KANSL1L: variants seen among roughly 807,000 people sequenced by gnomAD.
KANSL1L encodes KAT8 regulatory NSL complex subunit 1-like protein.
A neutral mutation model predicts 108.6 loss-of-function variants in KANSL1L; 25 were observed. That is an observed-to-expected ratio of 0.23 (90% CI 0.17 to 0.32). The LOEUF (loss-of-function observed/expected upper bound fraction) is 0.32, where lower values mean the gene tolerates loss of function less well. KANSL1L is among the 10% of genes least tolerant of loss of function. The pLI is 1.00. For synonymous variants in KANSL1L, 405 were observed against 395.1 expected (o/e 1.03, Z -0.30); for missense variants, 1,137 against 1,125.7 (o/e 1.01, Z -0.14).
At chr2:210,056,499 G>C (rs1185247328) in intron 6 of KANSL1L, among the ~76,000 whole-genome samples, 1 of 151,830 alleles carries the variant, frequency 6.6e-6, no homozygotes. Context: ...ATCTTTTTTT[G>C]AGACAGAGTC....
chr2:210,071,708 A>G (rs1157366999), intron 6 of KANSL1L, among the ~76,000 whole-genome samples: 2 of 152,196 alleles, frequency 1.3e-5, no homozygotes, highest in East Asian at 1.9e-4. Flanking sequence ...TAGAACGTCA[A>G]TATAAGAGTT....
chr2:210,062,624 TG>T (rs2094431589), intron 6 of KANSL1L, among the ~76,000 whole-genome samples: 1 of 152,194 alleles, frequency 6.6e-6, no homozygotes, highest in African/African-American at 2.4e-5. Context: ...ATAAGGAACT[TG>T]TTGGGAACTG....
At chr2:210,116,836 C>T (rs374628331) in intron 3 of KANSL1L, among the ~76,000 whole-genome samples, 82 of 152,224 alleles carry the variant, frequency 5.4e-4, no homozygotes, top group African/African-American at 1.3e-3. Context: ...CAGACACAGA[C>T]GAACATCTAT....
At chr2:210,057,995 AAG>A (rs1211363758) in intron 6 of KANSL1L, among the ~76,000 whole-genome samples, 9 of 152,222 alleles carry the variant, frequency 5.9e-5, no homozygotes, top group African/African-American at 2.2e-4. Context: ...ACCTTGAAAA[AAG>A]AACAGGATGA....
At chr2:210,141,937 T>C (rs1043064818) in intron 2 of KANSL1L, among the ~76,000 whole-genome samples, 4 of 152,150 alleles carry the variant, frequency 2.6e-5, no homozygotes, top group African/African-American at 9.7e-5. Flanking sequence ...AATGTGTAGT[T>C]AATTCAGTTT....
At chr2:210,061,664 A>G (rs1442211160) in intron 6 of KANSL1L, among the ~76,000 whole-genome samples, 1 of 152,226 alleles carries the variant, frequency 6.6e-6, no homozygotes, top group Non-Finnish European at 1.5e-5. Flanking sequence ...AGCACAAAGA[A>G]GCATAGATTC....
At chr2:210,026,414 A>G (rs1294830798) in intron 12 of KANSL1L, 10 of 152,228 alleles carry the variant, frequency 6.6e-5, no homozygotes, top group Non-Finnish European at 1.5e-4. Flanking sequence ...TGCAAAAACA[A>G]ATTTTTCATA....
chr2:210,126,149 CGT>C (rs1224581525), intron 3 of KANSL1L, among the ~76,000 whole-genome samples: 1 of 152,068 alleles, frequency 6.6e-6, no homozygotes, highest in African/African-American at 2.4e-5. Context: ...AAGTCAGGTG[CGT>C]TTTTTATACA....
intron 1 of KANSL1L, among the ~76,000 whole-genome samples, chr2:210,157,691 G>GAAAAAAAA (rs56676129): frequency 2.5e-4 from 12 of 47,202 alleles, no homozygotes; most frequent in Non-Finnish European, 3.7e-4. Context: ...CACTGTCACA[G>GAAAAAAAA]AAAAAAAAAA....
intron 3 of KANSL1L, among the ~76,000 whole-genome samples, chr2:210,110,595 G>T (rs2094894261): frequency 6.6e-6 from 1 of 152,096 alleles, no homozygotes; most frequent in Non-Finnish European, 1.5e-5. Context: ...CAAATTAAAA[G>T]ACAGTAAAGA....
chr2:210,026,840 G>T (rs1024227516), intron 12 of KANSL1L, among the ~76,000 whole-genome samples: 2 of 151,946 alleles, frequency 1.3e-5, no homozygotes, highest in Non-Finnish European at 2.9e-5. Flanking sequence ...GTGCGATCTC[G>T]GCTCATTGCA....
At chr2:210,079,644 A>ATATATATGTATGTGTG (rs1553653225) in intron 5 of KANSL1L, among the ~76,000 whole-genome samples, 1 of 8,978 alleles carries the variant, frequency 1.1e-4, no homozygotes, top group African/African-American at 2.0e-4. Flanking sequence ...ATATATATAT[A>ATATATATGTATGTGTG]TATATATATA....
At chr2:210,121,391 AG>A (rs1320193454) in intron 3 of KANSL1L, among the ~76,000 whole-genome samples, 4 of 152,228 alleles carry the variant, frequency 2.6e-5, no homozygotes, top group Admixed American at 2.0e-4. Flanking sequence ...AAACTAACTC[AG>A]GAACAGAAAA....
At chr2:210,031,212 T>C in intron 9 of KANSL1L, 1 of 443,016 alleles carries the variant, frequency 2.3e-6, no homozygotes, top group Non-Finnish European at 4.0e-6. Context: ...AGGAGGGAAA[T>C]ACTTAATTGC....
intron 2 of KANSL1L, among the ~76,000 whole-genome samples, chr2:210,148,159 T>C (rs1391955913): frequency 1.3e-5 from 2 of 152,302 alleles, no homozygotes; most frequent in Middle Eastern, 3.4e-3. Context: ...TCCCCAACAT[T>C]TGAAACAATT....
In KANSL1L at chr2:210,091,209, C is replaced by G. The variant is rs1051820299; in HGVS notation, c.1550+6877G>C. Among the ~76,000 whole-genome samples the G allele has an allele frequency of 7.9e-5, 12 of 152,088 alleles. No individual in the cohort carries two copies. The East Asian group carries it at 2.3e-3, about 29-fold the overall frequency. On this transcript the variant is annotated intron_variant, in intron 5 of 14. Transcript: ENST00000281772. ...AGATTTAATTCTTTTTGTTTCCATACCAACAAACTAAATATCACATTCCTG... is the reference window on the plus strand; with the variant it reads ...AGATTTAATTCTTTTTGTTTCCATAGCAACAAACTAAATATCACATTCCTG...
intron 12 of KANSL1L, among the ~76,000 whole-genome samples, chr2:210,027,006 C>T (rs1487262018): frequency 6.6e-6 from 1 of 152,146 alleles, no homozygotes; most frequent in Admixed American, 6.5e-5. Context: ...CTCCTGACCT[C>T]GTGATCCGCC....
intron 1 of KANSL1L, among the ~76,000 whole-genome samples, chr2:210,163,303 G>A (rs2095371075): frequency 6.6e-6 from 1 of 152,154 alleles, no homozygotes; most frequent in Non-Finnish European, 1.5e-5. Context: ...TAAGAAGAGA[G>A]ATGGAAATTC....
chr2:210,131,403 A>G (rs1411863297), intron 2 of KANSL1L, among the ~76,000 whole-genome samples: 7 of 152,208 alleles, frequency 4.6e-5, no homozygotes, highest in Non-Finnish European at 1.0e-4. Flanking sequence ...GGGCAATCAA[A>G]GATGATCTTA....
Sources: gnomAD v4.1 joint callset for allele counts (sites outside exome capture counted in the v4.1 genomes callset) on GRCh38, gnomAD v4.1.1 for gene constraint, MANE v1.5 for transcripts, NCBI Gene and HGNC (gene_info 2026-07-23, HGNC 2026-07-21) for gene names.